The following ALG12 variants were observed in gnomAD, a reference collection of about 807,000 sequenced individuals.
ALG12 encodes the protein ALG12 alpha-1,6-mannosyltransferase, also known as dol-P-Man:Man(7)GlcNAc(2)-PP-Dol alpha-1,6-mannosyltransferase.
Under a neutral mutation model 46.0 loss-of-function variants are expected in ALG12, and 36 were observed. The observed-to-expected ratio is 0.78, with a 90% CI of 0.60 to 1.03. ALG12 has a LOEUF of 1.03. ALG12 is among the 50% of genes least tolerant of loss of function. The pLI, the probability that ALG12 is intolerant of heterozygous loss-of-function variation, is 0.00. For synonymous variants in ALG12, 326 were observed against 291.6 expected (o/e 1.12, Z -1.20); for missense variants, 599 against 633.5 (o/e 0.95, Z 0.58).
the ALG12 span, among the ~76,000 whole-genome samples, chr22:49,865,540 T>C: frequency 6.6e-6 from 1 of 151,442 alleles, no homozygotes; most frequent in South Asian, 2.1e-4. Flanking sequence ...ACAGGTGTGG[T>C]GGCAGGCACC....
rs948789881 is a variant in ALG12, at chr22:49,905,287, C to A, written c.993-781G>T. On this transcript the variant is annotated intron_variant, in intron 7 of 9. Coordinates refer to ENST00000330817, the MANE Select transcript of ALG12 (RefSeq NM_024105.4). This position sits in a 1 kb window ranked among gnomAD's most constrained non-coding sequence, Gnocchi z 4.9. ...AAAAGCTTGCCAACCCTGGTCTAAA[C>A]GCCCTGAACCCCCGATCAAGACTCA... Among the ~76,000 whole-genome samples the A allele has an allele frequency of 6.6e-6, 1 of 152,184 alleles. No individual in the cohort carries two copies. The highest frequency in any genetic ancestry group is 1.5e-5 in the Non-Finnish European group (1 of 68,032).
chr22:49,886,459 G>A, the ALG12 span: 64 of 1,574,120 alleles, frequency 4.1e-5, no homozygotes, highest in Non-Finnish European at 4.8e-5. This position sits in a 1 kb window ranked among gnomAD's most constrained non-coding sequence, Gnocchi z 7.7. Context: ...CATGCAGTCC[G>A]TGTGCCGTGC....
the ALG12 span, among the ~76,000 whole-genome samples, chr22:49,860,700 G>A: frequency 1.3e-5 from 2 of 151,212 alleles, no homozygotes; most frequent in Non-Finnish European, 2.9e-5. Context: ...CAAATTTTAT[G>A]TACAAAATAA....
the ALG12 span, among the ~76,000 whole-genome samples, chr22:49,882,756 C>G: frequency 1.3e-5 from 2 of 152,218 alleles, no homozygotes; most frequent in Non-Finnish European, 2.9e-5. Context: ...CGCAGCATCA[C>G]TTGGGGACGG....
rs1315212303 is a variant in ALG12, at chr22:49,913,455, T to G, written c.225A>C (p.Ala75=). Residue 75 remains alanine, a synonymous_variant, in exon 3 of 10, where the codon GCA becomes GCC. Coordinates refer to ENST00000330817, the MANE Select transcript of ALG12 (RefSeq NM_024105.4). Reference sequence around the variant, plus strand: ...CGTAAACCGCGGGGCTGGAGAACACTGCGATCACCACTGGCCCGAGGAACG... The same window carrying G: ...CGTAAACCGCGGGGCTGGAGAACACGGCGATCACCACTGGCCCGAGGAACG... ...PRTFLGPVVI[A]VFSSPAVYVL... 1 of 1,614,002 alleles carries G rather than the reference T, an allele frequency of 6.2e-7. No homozygotes were observed. The highest frequency in any genetic ancestry group is 2.2e-5 in the East Asian group (1 of 44,886).
intron 1 of ALG12, among the ~76,000 whole-genome samples, chr22:49,915,297 T>G (rs1467964897): frequency 2.0e-5 from 3 of 152,048 alleles, no homozygotes; most frequent in Admixed American, 1.3e-4. Context: ...GGTGGCTCAT[T>G]CCCATAATCC....
the ALG12 span, chr22:49,885,696 C>T: frequency 6.8e-6 from 11 of 1,610,478 alleles, no homozygotes; most frequent in Admixed American, 1.7e-5. Flanking sequence ...TTGTAGACAA[C>T]GTTGGCTTTA....
downstream of ALG12, among the ~76,000 whole-genome samples, chr22:49,897,720 T>C (rs1224283861): frequency 1.3e-5 from 2 of 148,234 alleles, no homozygotes; most frequent in African/African-American, 2.5e-5. Flanking sequence ...CAGGCTGCCG[T>C]GCTGTGGTGC....
At chr22:49,896,343 G>C (rs2060483483), downstream of ALG12, among the ~76,000 whole-genome samples, 1 of 152,232 alleles carries the variant, frequency 6.6e-6, no homozygotes, top group African/African-American at 2.4e-5. Flanking sequence ...AGCAGACCTT[G>C]TTCGGCTGGA....
At chr22:49,886,048 G>A in the ALG12 span, 1 of 682,026 alleles carries the variant, frequency 1.5e-6, no homozygotes, top group Admixed American at 2.3e-5. The surrounding 1 kb of genome is among the most constrained non-coding windows in gnomAD (Gnocchi z 7.7). Flanking sequence ...GGAAGCGTGG[G>A]TGACCTCCAC....
intron 3 of ALG12, 22 bp downstream of exon 3, chr22:49,913,363 C>T (rs774006943): frequency 1.4e-5 from 22 of 1,613,346 alleles, no homozygotes; most frequent in Non-Finnish European, 1.7e-5. Flanking sequence ...ACTCCCTCCT[C>T]CTTTGTTGAA....
chr22:49,874,016 C>T, the ALG12 span, among the ~76,000 whole-genome samples: 1 of 152,374 alleles, frequency 6.6e-6, no homozygotes, highest in South Asian at 2.1e-4. Context: ...CCTGTGACCT[C>T]TCTGAACTCT....
rs9616203 is a variant in ALG12 at position 49,905,277 on chromosome 22, C to G, written c.993-771G>C. 0.094 allele frequency among the ~76,000 whole-genome samples: 14,316 copies of G among 152,208 alleles called. 761 individuals carry two copies. The highest frequency in any genetic ancestry group is 0.19 in the South Asian group (902 of 4,818). Reference sequence around the variant, plus strand: ...TCCTTAACGGAAAAGCTTGCCAACCCTGGTCTAAACGCCCTGAACCCCCGA... The same window carrying G: ...TCCTTAACGGAAAAGCTTGCCAACCGTGGTCTAAACGCCCTGAACCCCCGA... On this transcript the variant is annotated intron_variant, in intron 7 of 9. Coordinates refer to ENST00000330817, the MANE Select transcript of ALG12 (RefSeq NM_024105.4). The surrounding 1 kb of genome is among the most constrained non-coding windows in gnomAD (Gnocchi z 4.9).
downstream of ALG12, among the ~76,000 whole-genome samples, chr22:49,895,502 A>G (rs993797775): frequency 3.3e-5 from 5 of 151,948 alleles, no homozygotes; most frequent in African/African-American, 9.7e-5. Flanking sequence ...AAATACAAAA[A>G]TTAGCCAGGT....
chr22:49,882,542 C>T, the ALG12 span, among the ~76,000 whole-genome samples: 1 of 152,332 alleles, frequency 6.6e-6, no homozygotes, highest in Non-Finnish European at 1.5e-5. Flanking sequence ...GCTCCATCTC[C>T]TACCCCACAT....
At chr22:49,897,972 TTTC>T (rs1401602061), downstream of ALG12, among the ~76,000 whole-genome samples, 3 of 151,232 alleles carry the variant, frequency 2.0e-5, no homozygotes, top group Non-Finnish European at 4.4e-5. Flanking sequence ...ATCACATTGT[TTTC>T]TTATTTATGA....
chr22:49,862,504 T>C, the ALG12 span, among the ~76,000 whole-genome samples: 66 of 152,276 alleles, frequency 4.3e-4, no homozygotes, highest in Admixed American at 1.4e-3. Flanking sequence ...ATGAGTCATA[T>C]GATAAGATGG....
At chr22:49,870,310 G>A in the ALG12 span, among the ~76,000 whole-genome samples, 2 of 152,210 alleles carry the variant, frequency 1.3e-5, no homozygotes, top group Non-Finnish European at 2.9e-5. Context: ...GGGTTTTTTT[G>A]TAGAATGATT....
chr22:49,915,287 G>A (rs557474104), intron 1 of ALG12, among the ~76,000 whole-genome samples: 6 of 152,202 alleles, frequency 3.9e-5, no homozygotes, highest in South Asian at 2.1e-4. Flanking sequence ...GGCCAGGTGC[G>A]GTGGCTCATT....
Sources: allele counts gnomAD v4.1 joint callset (sites outside exome capture counted in the v4.1 genomes callset), GRCh38; gene constraint gnomAD v4.1.1; non-coding constraint Gnocchi (gnomAD v3.1); transcripts MANE v1.5; gene names NCBI Gene and HGNC (gene_info 2026-07-23, HGNC 2026-07-21).